The following ITGA8 variants were observed in gnomAD, a reference collection of about 807,000 sequenced individuals.
ITGA8 encodes the protein integrin subunit alpha 8.
ITGA8 carries 91 observed loss-of-function variants against 142.3 expected under a neutral mutation model. That is an observed-to-expected ratio of 0.64 (90% confidence interval 0.54 to 0.76). The LOEUF is 0.76. ITGA8 is among the 30% of genes least tolerant of loss of function. The pLI, the probability that ITGA8 is intolerant of heterozygous loss-of-function variation, is 0.00. For synonymous variants in ITGA8, 505 were observed against 485.2 expected (o/e 1.04, Z -0.54); for missense variants, 1,406 against 1,327.7 (o/e 1.06, Z -0.92).
At chr10:15,604,506 A>G (rs1280131445) in intron 19 of ITGA8, 151 bp from the exon 20 acceptor site, 1 of 520,390 alleles carries the variant, frequency 1.9e-6, no homozygotes, top group Non-Finnish European at 3.2e-6. Flanking sequence ...AAGAGGCAAG[A>G]GAATCATCTC....
At chr10:15,526,177 G>A (rs1833170340) in intron 28 of ITGA8, among the ~76,000 whole-genome samples, 1 of 148,682 alleles carries the variant, frequency 6.7e-6, no homozygotes, top group African/African-American at 2.4e-5. Context: ...TTCATTATAA[G>A]ATTCTTTTTT....
At chr10:15,522,201 A>G (rs1292679600) in intron 28 of ITGA8, among the ~76,000 whole-genome samples, 1 of 152,242 alleles carries the variant, frequency 6.6e-6, no homozygotes, top group Non-Finnish European at 1.5e-5. Context: ...AAAATATCAC[A>G]TGTACTCCAC....
intron 22 of ITGA8, among the ~76,000 whole-genome samples, chr10:15,588,473 T>G (rs1832870269): frequency 1.3e-5 from 2 of 152,168 alleles, no homozygotes; most frequent in Non-Finnish European, 1.5e-5. Context: ...GTGTGTGTGT[T>G]TTTAAGGCAG....
At chr10:15,716,664 T>C (rs1835457452) in intron 2 of ITGA8, among the ~76,000 whole-genome samples, 3 of 121,106 alleles carry the variant, frequency 2.5e-5, no homozygotes, top group Middle Eastern at 4.4e-3. Context: ...AAATATAACC[T>C]ATTGTATTTT....
rs902289622 is a variant in ITGA8 at position 15,548,511 on chromosome 10, C to T, written c.2824G>A (p.Gly942Arg). ...CTGACTTTCAGGACTGCGCTTTCTCCTCCTTCGAGTCGTCCCACTGCACAG... is the reference window on the plus strand; with the variant it reads ...CTGACTTTCAGGACTGCGCTTTCTCTTCCTTCGAGTCGTCCCACTGCACAG... ...ISCAVGRLEGGESAVLKVRSR... is the reference protein window; with the variant it reads ...ISCAVGRLEGRESAVLKVRSR... Residue 942 changes from glycine to arginine, a missense_variant, in exon 27 of 30, where the codon GGA becomes AGA. Transcript: ENST00000378076. 2.5e-6 allele frequency: 4 copies of T among 1,601,012 alleles called. No homozygotes were observed. Among genetic ancestry groups the T allele is most frequent in the African/African-American group, 2.7e-5 (2 of 73,876 alleles).
chr10:15,616,672 C>T, intron 13 of ITGA8, 113 bp from the exon 14 acceptor site: 1 of 834,700 alleles, frequency 1.2e-6, no homozygotes, highest in Non-Finnish European at 2.0e-6. Flanking sequence ...GTACGAGAGC[C>T]ACAAAATTAG....
chr10:15,563,609 T>C (rs1292001771), intron 25 of ITGA8, among the ~76,000 whole-genome samples: 1 of 152,182 alleles, frequency 6.6e-6, no homozygotes, highest in Admixed American at 6.5e-5. Context: ...ATAGTAGTGG[T>C]GGTGCTAAAA....
intron 23 of ITGA8, among the ~76,000 whole-genome samples, chr10:15,577,026 T>A (rs1834311570): frequency 1.3e-5 from 2 of 152,190 alleles, no homozygotes; most frequent in Admixed American, 1.3e-4. Context: ...CCAGAGAACC[T>A]GGGTTTCTAT....
At chr10:15,683,275 A>T (rs1422213857) in intron 4 of ITGA8, among the ~76,000 whole-genome samples, 1 of 81,954 alleles carries the variant, frequency 1.2e-5, no homozygotes, top group Non-Finnish European at 2.5e-5. Context: ...CCACCCATCC[A>T]TCCATCCATC....
At chr10:15,615,704 G>A (rs1205318874) in intron 14 of ITGA8, among the ~76,000 whole-genome samples, 1 of 152,130 alleles carries the variant, frequency 6.6e-6, no homozygotes, top group African/African-American at 2.4e-5. Context: ...AGTAGAGATG[G>A]GGTTTTGCTA....
intron 15 of ITGA8, among the ~76,000 whole-genome samples, chr10:15,611,226 A>C (rs561708930): frequency 6.6e-6 from 1 of 152,216 alleles, no homozygotes; most frequent in Non-Finnish European, 1.5e-5. Flanking sequence ...AAAGAAACAC[A>C]TTCTAGACTG....
intron 26 of ITGA8, among the ~76,000 whole-genome samples, chr10:15,557,371 C>T (rs1833904934): frequency 6.6e-6 from 1 of 152,112 alleles, no homozygotes; most frequent in African/African-American, 2.4e-5. Context: ...CAGAGCAAAA[C>T]TCTGTCTCCG....
chr10:15,691,230 A>T (rs1410642787), intron 2 of ITGA8, among the ~76,000 whole-genome samples: 1 of 152,230 alleles, frequency 6.6e-6, no homozygotes, highest in Non-Finnish European at 1.5e-5. Flanking sequence ...GACCCCTAGC[A>T]TACTCCTGGT....
intron 20 of ITGA8, among the ~76,000 whole-genome samples, chr10:15,599,498 T>C (rs1339986975): frequency 6.6e-6 from 1 of 152,006 alleles, no homozygotes; most frequent in East Asian, 1.9e-4. Context: ...GCAGCAGAGT[T>C]GGGAAATTTT....
chr10:15,524,132 G>A (rs929049001), intron 28 of ITGA8, among the ~76,000 whole-genome samples: 2 of 152,132 alleles, frequency 1.3e-5, no homozygotes, highest in African/African-American at 2.4e-5. Context: ...TTTACCTGTA[G>A]GACATCCATA....
chr10:15,625,604 C>T (rs1833567644), intron 13 of ITGA8, among the ~76,000 whole-genome samples: 1 of 152,162 alleles, frequency 6.6e-6, no homozygotes, highest in African/African-American at 2.4e-5. Flanking sequence ...AGATAAACTC[C>T]TATTGATAAA....
At position 15,677,618 on chromosome 10, in the gene ITGA8, C is replaced by T. The variant is rs771579677; in HGVS notation, c.650G>A (p.Gly217Glu). ...DFYKNGDLIVGGPGSFYWQGQ... is the reference protein window; with the variant it reads ...DFYKNGDLIVEGPGSFYWQGQ... ...TTGCCAGTAGAAACTCCCAGGTCCT[C>T]CCACAATAAGGTCTCCATTCTACAA... Residue 217 changes from glycine (G) to glutamate (E), a missense_variant, in exon 6 of 30, where the codon GGA (glycine) becomes GAA (glutamate). Gly to Glu is a moderately conservative substitution (Grantham distance 98). Coordinates refer to ENST00000378076, the MANE Select transcript of ITGA8 (RefSeq NM_003638.3). 3 of 1,613,364 alleles carry T rather than the reference C, an allele frequency of 1.9e-6. No individual in the cohort carries two copies. The African/African-American group carries it at 4.0e-5, about 22-fold the overall frequency.
intron 2 of ITGA8, among the ~76,000 whole-genome samples, chr10:15,717,302 T>C (rs1835471770): frequency 6.6e-6 from 1 of 152,236 alleles, no homozygotes; most frequent in Non-Finnish European, 1.5e-5. Flanking sequence ...ATAATGTTAA[T>C]GATTCATGTC....
At chr10:15,620,788 A>T (rs1350595260) in intron 13 of ITGA8, among the ~76,000 whole-genome samples, 1 of 152,228 alleles carries the variant, frequency 6.6e-6, no homozygotes, top group Non-Finnish European at 1.5e-5. Context: ...ATCTATACAC[A>T]CATAAGTATA....
Sources: allele counts gnomAD v4.1 joint callset (sites outside exome capture counted in the v4.1 genomes callset), GRCh38; gene constraint gnomAD v4.1.1; transcripts MANE v1.5; gene names NCBI Gene and HGNC (gene_info 2026-07-23, HGNC 2026-07-21).